Variants in UVRAG observed in about 807,000 individuals in gnomAD.
The protein encoded by UVRAG is UV radiation resistance-associated gene protein.
UVRAG carries 19 observed loss-of-function variants against 78.0 expected under a neutral mutation model. The observed-to-expected ratio is 0.24, with a 90% CI of 0.17 to 0.36. The LOEUF (loss-of-function observed/expected upper bound fraction) is 0.36, where lower values mean the gene tolerates loss of function less well. UVRAG is among the 10% of genes least tolerant of loss of function. The pLI, the probability that UVRAG is intolerant of heterozygous loss-of-function variation, is 1.00. For synonymous variants in UVRAG, 323 were observed against 324.6 expected, an observed-to-expected ratio of 1.00 and a Z score of 0.05; for missense variants, 740 against 853.8, an observed-to-expected ratio of 0.87 and a Z score of 1.66.
chr11:76,093,781 A>T (rs913755331), intron 13 of UVRAG, among the ~76,000 whole-genome samples: 1 of 152,186 alleles, frequency 6.6e-6, no homozygotes, highest in African/African-American at 2.4e-5. Flanking sequence ...GGTTTTCTAG[A>T]TATACAATCA....
At chr11:75,825,333 G>A (rs527511853) in intron 1 of UVRAG, among the ~76,000 whole-genome samples, 250 of 151,602 alleles carry the variant, frequency 1.6e-3, no homozygotes, top group African/African-American at 5.9e-3. Context: ...GACTGATCTC[G>A]AACTCCTGAC....
intron 12 of UVRAG, among the ~76,000 whole-genome samples, chr11:76,026,958 C>T (rs1344062741): frequency 1.3e-5 from 2 of 150,794 alleles, no homozygotes; most frequent in African/African-American, 4.9e-5. Flanking sequence ...CACCATGGAA[C>T]AGAAATCAAG....
intron 14 of UVRAG, among the ~76,000 whole-genome samples, chr11:76,133,694 A>G (rs1191538239): frequency 6.6e-6 from 1 of 152,178 alleles, no homozygotes; most frequent in Admixed American, 6.5e-5. Flanking sequence ...CAGAACAAGG[A>G]TGCATCAGGG....
chr11:75,984,565 G>A (rs1396912456), intron 8 of UVRAG, among the ~76,000 whole-genome samples: 1 of 152,162 alleles, frequency 6.6e-6, no homozygotes, highest in Non-Finnish European at 1.5e-5. Flanking sequence ...TGTGTCCACA[G>A]AGCTTGAATT....
chr11:75,976,690 A>T (rs1438946318), intron 7 of UVRAG, among the ~76,000 whole-genome samples: 2 of 151,912 alleles, frequency 1.3e-5, no homozygotes, highest in African/African-American at 4.8e-5. Flanking sequence ...GGTAGTTTGT[A>T]TCTCTGTGGG....
At chr11:75,830,473 A>G (rs560350673) in intron 1 of UVRAG, among the ~76,000 whole-genome samples, 1 of 151,706 alleles carries the variant, frequency 6.6e-6, no homozygotes, top group Non-Finnish European at 1.5e-5. Flanking sequence ...GGGTTTTACC[A>G]TGTTAGCCAG....
chr11:75,931,660 G>GTAAC, intron 6 of UVRAG, among the ~76,000 whole-genome samples: 1 of 152,030 alleles, frequency 6.6e-6, no homozygotes, highest in South Asian at 2.1e-4. Context: ...CCCTTATGAT[G>GTAAC]GTTATCATTA....
At chr11:76,059,829 C>T (rs569607618) in intron 12 of UVRAG, among the ~76,000 whole-genome samples, 10 of 152,222 alleles carry the variant, frequency 6.6e-5, no homozygotes, top group East Asian at 3.9e-4. Flanking sequence ...GAAAGTATAC[C>T]GAGTTTGAGG....
intron 7 of UVRAG, among the ~76,000 whole-genome samples, chr11:75,969,818 A>G (rs1949090924): frequency 6.6e-6 from 1 of 152,152 alleles, no homozygotes; most frequent in South Asian, 2.1e-4. Context: ...CCGTTGCTTC[A>G]ACGAGGCCAT....
chr11:76,010,814 G>A (rs188489512), intron 11 of UVRAG, among the ~76,000 whole-genome samples: 11 of 152,296 alleles, frequency 7.2e-5, no homozygotes, highest in Admixed American at 5.9e-4. Flanking sequence ...CATAGTGAGC[G>A]AGGGAAGAGC....
chr11:75,964,813 C>A (rs180765915), intron 7 of UVRAG, among the ~76,000 whole-genome samples: 1 of 152,272 alleles, frequency 6.6e-6, no homozygotes, highest in East Asian at 1.9e-4. Context: ...GTAATTTTTT[C>A]CCCCTGCATG....
intron 6 of UVRAG, among the ~76,000 whole-genome samples, chr11:75,917,308 A>C (rs1947877465): frequency 1.3e-5 from 2 of 152,220 alleles, no homozygotes; most frequent in Admixed American, 6.5e-5. Context: ...AGTCATAATA[A>C]AAAATATTTA....
intron 12 of UVRAG, among the ~76,000 whole-genome samples, chr11:76,052,458 G>A (rs1174473200): frequency 6.6e-6 from 1 of 152,108 alleles, no homozygotes; most frequent in East Asian, 1.9e-4. Flanking sequence ...TCTATGCCAG[G>A]CTTCCCACCA....
chr11:76,143,864 T>C lies in UVRAG; in HGVS notation c.*2451T>C, dbSNP rs1304072557. Among the ~76,000 whole-genome samples, 1 of 152,260 alleles carries C rather than the reference T, an allele frequency of 6.6e-6. No homozygotes were observed. Among genetic ancestry groups the C allele is most frequent in the Non-Finnish European group, 1.5e-5 (1 of 68,042 alleles). Reference sequence around the variant, plus strand: ...GTTTGCTTGGAAGATATAAGTTGAATTGGAAACTCATTACTATCTATTTCT... The same window carrying C: ...GTTTGCTTGGAAGATATAAGTTGAACTGGAAACTCATTACTATCTATTTCT... On this transcript the variant is annotated 3_prime_UTR_variant, in exon 15 of 15. Coordinates refer to ENST00000356136, the MANE Select transcript of UVRAG (RefSeq NM_003369.4).
At chr11:76,132,482 ATACTT>A (rs1952529599) in intron 14 of UVRAG, among the ~76,000 whole-genome samples, 1 of 152,152 alleles carries the variant, frequency 6.6e-6, no homozygotes, top group African/African-American at 2.4e-5. Flanking sequence ...CTCTGTCCTC[ATACTT>A]TACAGTGTGG....
chr11:75,830,085 C>T (rs902578096), intron 1 of UVRAG, among the ~76,000 whole-genome samples: 1 of 152,116 alleles, frequency 6.6e-6, no homozygotes, highest in African/African-American at 2.4e-5. Flanking sequence ...AGTGATCTGC[C>T]TGCCTCGTCT....
intron 12 of UVRAG, among the ~76,000 whole-genome samples, chr11:76,062,337 G>A (rs1051053297): frequency 2.6e-5 from 4 of 152,106 alleles, no homozygotes; most frequent in South Asian, 2.1e-4. Flanking sequence ...CGTGTAACCC[G>A]CTACATCCAC....
At chr11:75,960,053 C>A (rs1163441315) in intron 6 of UVRAG, among the ~76,000 whole-genome samples, 1 of 152,096 alleles carries the variant, frequency 6.6e-6, no homozygotes, top group Non-Finnish European at 1.5e-5. Context: ...GATCACAGGT[C>A]ACCATAACAG....
intron 6 of UVRAG, among the ~76,000 whole-genome samples, chr11:75,913,583 C>G (rs184002001): frequency 1.0e-3 from 153 of 152,268 alleles, no homozygotes; most frequent in African/African-American, 3.5e-3. Context: ...TCTTAGAAGT[C>G]CTTCATGCAT....
Sources: gnomAD v4.1 joint callset for allele counts (sites outside exome capture counted in the v4.1 genomes callset) on GRCh38, gnomAD v4.1.1 for gene constraint, MANE v1.5 for transcripts, NCBI Gene and HGNC (gene_info 2026-07-23, HGNC 2026-07-21) for gene names.